Variants in ADGRF3 observed in about 807,000 individuals in gnomAD.
The protein encoded by ADGRF3 is adhesion G protein-coupled receptor F3.
Under a neutral mutation model 93.2 loss-of-function variants are expected in ADGRF3, and 85 were observed. That is an observed-to-expected ratio of 0.91 (90% confidence interval 0.77 to 1.09). The LOEUF (loss-of-function observed/expected upper bound fraction) is 1.09. Among genes scored for constraint, ADGRF3 ranks in the 50% least tolerant of loss-of-function variants. The pLI, the probability that ADGRF3 is intolerant of heterozygous loss-of-function variation, is 0.00. For synonymous variants in ADGRF3, 534 were observed against 532.5 expected (o/e 1.00, Z -0.04); for missense variants, 1,125 against 1,246.2 (o/e 0.90, Z 1.46).
intron 2 of ADGRF3, 139 bp from the exon 3 acceptor site, chr2:26,317,194 A>T (rs1375853835): frequency 1.1e-6 from 1 of 913,608 alleles, no homozygotes; most frequent in Non-Finnish European, 1.7e-6. Context: ...GTGCATATAG[A>T]CAGGGCTCAG....
intron 1 of ADGRF3, among the ~76,000 whole-genome samples, chr2:26,335,285 A>T (rs1455214527): frequency 6.6e-6 from 1 of 152,230 alleles, no homozygotes; most frequent in Non-Finnish European, 1.5e-5. Context: ...AAATGGAACC[A>T]TACACTATAT....
chr2:26,313,329 A>C, intron 8 of ADGRF3, 48 bp downstream of exon 8: 1 of 1,499,042 alleles, frequency 6.7e-7, no homozygotes. Flanking sequence ...TAGAGAGGCT[A>C]GGGTGGGCCG....
chr2:26,323,707 A>G (rs967011569), intron 1 of ADGRF3, among the ~76,000 whole-genome samples: 3 of 150,184 alleles, frequency 2.0e-5, no homozygotes, highest in African/African-American at 7.4e-5. Context: ...TTGGCTCACT[A>G]CAACCTCCAC....
At chr2:26,315,305 A>T (rs886619862) in intron 5 of ADGRF3, among the ~76,000 whole-genome samples, 1 of 152,148 alleles carries the variant, frequency 6.6e-6, no homozygotes, top group African/African-American at 2.4e-5. Flanking sequence ...AATTTTCCAC[A>T]TTGCAATTTT....
intron 7 of ADGRF3, 38 bp from the exon 8 acceptor site, chr2:26,313,611 G>A (rs767288310): frequency 6.3e-7 from 1 of 1,580,784 alleles, no homozygotes; most frequent in Non-Finnish European, 8.6e-7. Context: ...AGCAATCACA[G>A]CCTCACCTGA....
rs764113095 is a variant in ADGRF3 at position 26,313,490 on chromosome 2, G to A, written c.1156C>T (p.Pro386Ser). Residue 386 changes from proline (P) to serine (S), a missense_variant, in exon 8 of 14, where the codon CCT becomes TCT. Transcript: ENST00000651242. The part of the protein sequence containing the change: ...KAGHVAQAPC[P>S]ESKRGIVRRL... ...CTCACTATGCCCCTCTTGCTCTCAG[G>A]ACATGGGGCCTGTGCCACGTGGCCA... 2 of 1,611,986 alleles carry A rather than the reference G, an allele frequency of 1.2e-6. No individual in the cohort carries two copies. Among genetic ancestry groups the A allele is most frequent in the South Asian group, 2.2e-5 (2 of 90,468 alleles).
At chr2:26,339,573 C>T (rs531586933) in intron 1 of ADGRF3, among the ~76,000 whole-genome samples, 6 of 152,188 alleles carry the variant, frequency 3.9e-5, no homozygotes, top group African/African-American at 1.4e-4. Flanking sequence ...TTTCTTTCCT[C>T]TTGGGTTTTA....
chr2:26,334,867 A>G (rs1675951592), intron 1 of ADGRF3, among the ~76,000 whole-genome samples: 1 of 152,242 alleles, frequency 6.6e-6, no homozygotes, highest in Non-Finnish European at 1.5e-5. Flanking sequence ...ATCTACAATG[A>G]TAAAATGCCC....
intron 4 of ADGRF3, 177 bp from the exon 5 acceptor site, chr2:26,315,917 C>G (rs886833733): frequency 1.4e-5 from 14 of 970,908 alleles, no homozygotes; most frequent in Middle Eastern, 3.4e-4. Context: ...TGCAATCCAG[C>G]CTGGAAGACT....
At position 26,310,180 on chromosome 2, in the gene ADGRF3, A is replaced by C; in HGVS notation, c.2874+16T>G. On this transcript the variant is annotated intron_variant, in intron 11 of 13. Transcript: ENST00000651242. Reference sequence around the variant, plus strand: ...CGGGCTGCAAGTGAGGCAGGGGGTTAGGTGGGCAGACTTACCTTCCTGTCC... The same window carrying C: ...CGGGCTGCAAGTGAGGCAGGGGGTTCGGTGGGCAGACTTACCTTCCTGTCC... 1.2e-6 allele frequency: 2 copies of C among 1,614,040 alleles called. No homozygotes were observed. Among genetic ancestry groups the C allele is most frequent in the Non-Finnish European group, 1.7e-6 (2 of 1,179,878 alleles).
chr2:26,311,546 C>T lies in ADGRF3; in HGVS notation c.1978G>A (p.Gly660Ser), dbSNP rs528370293. 6 of 1,613,840 alleles carry T rather than the reference C, an allele frequency of 3.7e-6. No individual in the cohort carries two copies. Among genetic ancestry groups the T allele is most frequent in the African/African-American group, 2.7e-5 (2 of 75,020 alleles). ...GCCTGGCACCCTTCTTTGGACCAACCCCCCCTGCCCTGGAAGAGACTGTGA... is the reference window on the plus strand; with the variant it reads ...GCCTGGCACCCTTCTTTGGACCAACTCCCCCTGCCCTGGAAGAGACTGTGA... Reference protein sequence around the residue: ...WDHSLFQGRGGWSKEGCQAQV... With the variant: ...WDHSLFQGRGSWSKEGCQAQV... Residue 660 changes from glycine (G) to serine (S), a missense_variant, in exon 10 of 14, where the codon GGT becomes AGT. Transcript: ENST00000651242.
chr2:26,314,661 G>A (rs779734801), intron 5 of ADGRF3, 38 bp from the exon 6 acceptor site: 33 of 1,552,670 alleles, frequency 2.1e-5, no homozygotes, highest in Non-Finnish European at 2.7e-5. Flanking sequence ...TGGCTCCTCT[G>A]GGCCCCGCTG....
At chr2:26,333,812 A>T (rs1051789857) in intron 1 of ADGRF3, among the ~76,000 whole-genome samples, 1 of 152,138 alleles carries the variant, frequency 6.6e-6, no homozygotes, top group Non-Finnish European at 1.5e-5. Flanking sequence ...AGGATTTCAT[A>T]AAATGTATTT....
intron 6 of ADGRF3, 36 bp from the exon 7 acceptor site, chr2:26,313,939 C>T: frequency 6.2e-7 from 1 of 1,612,064 alleles, no homozygotes; most frequent in Non-Finnish European, 8.5e-7. Context: ...TGTCATTGGG[C>T]CAGGGACAGG....
At chr2:26,322,282 C>CA (rs60338868) in intron 1 of ADGRF3, among the ~76,000 whole-genome samples, 5,528 of 76,508 alleles carry the variant, frequency 0.072, 142 homozygotes, top group South Asian at 0.13. Flanking sequence ...GAATCTGTCT[C>CA]AAAAAAAAAA....
intron 1 of ADGRF3, among the ~76,000 whole-genome samples, chr2:26,344,220 C>A (rs550748162): frequency 6.6e-6 from 1 of 152,288 alleles, no homozygotes; most frequent in Non-Finnish European, 1.5e-5. Flanking sequence ...TCTCGGTTCA[C>A]CGTAACCCCA....
intron 9 of ADGRF3, 72 bp downstream of exon 9, chr2:26,312,871 A>T (rs1173732991): frequency 1.3e-5 from 19 of 1,419,494 alleles, no homozygotes; most frequent in Non-Finnish European, 1.7e-5. Flanking sequence ...AGAGGGACAG[A>T]AATGCCCACA....
chr2:26,319,581 T>TC (rs1553330695), intron 1 of ADGRF3, among the ~76,000 whole-genome samples: 19 of 47,100 alleles, frequency 4.0e-4, no homozygotes, highest in Admixed American at 1.3e-3. Flanking sequence ...CTTCCTTCCT[T>TC]CCTTCCTTCC....
chr2:26,315,642 A>T lies in ADGRF3; in HGVS notation c.598T>A (p.Phe200Ile), dbSNP rs571704838. The T allele has an allele frequency of 6.4e-7, 1 of 1,551,580 alleles. No individual in the cohort carries two copies. Among genetic ancestry groups the T allele is most frequent in the East Asian group, 2.4e-5 (1 of 40,902 alleles). ...LSQEATNLSWFLRHPGSPSPI... is the reference protein window; with the variant it reads ...LSQEATNLSWILRHPGSPSPI... The stretch of plus-strand genomic sequence containing the variant: ...CTGGGGCTCCCTGGGTGCCTCAGGA[A>T]CCAGCTCAGGTTGGTGGCCTCCTGG... The change falls in exon 5 of 14, where the codon TTC becomes ATC. Residue 200 changes from phenylalanine (F) to isoleucine (I), a missense_variant. Phe to Ile is a conservative substitution (Grantham distance 21, BLOSUM62 0). Transcript: ENST00000651242.
Sources: allele counts gnomAD v4.1 joint callset (sites outside exome capture counted in the v4.1 genomes callset), GRCh38; gene constraint gnomAD v4.1.1; transcripts MANE v1.5; gene names NCBI Gene and HGNC (gene_info 2026-07-23, HGNC 2026-07-21).